Variants in EIF3M observed in about 807,000 individuals in gnomAD.
The protein encoded by EIF3M is eukaryotic translation initiation factor 3 subunit M.
In EIF3M, 25 loss-of-function variants were observed where a neutral mutation model predicts 49.7. That is an observed-to-expected ratio of 0.50 (90% CI 0.37 to 0.70). The LOEUF is 0.70. Ranked by LOEUF, EIF3M falls within the 30% of genes least tolerant of loss-of-function variation. The pLI, the probability that EIF3M is intolerant of heterozygous loss-of-function variation, is 0.00. For missense variants in EIF3M, 350 were observed against 440.0 expected, an observed-to-expected ratio of 0.80 and a Z score of 1.83; for synonymous variants, 156 against 149.8, an observed-to-expected ratio of 1.04 and a Z score of -0.30.
Position 32,600,767 on chromosome 11 carries a change from C to A in EIF3M, c.878C>A (p.Ser293Tyr). Residue 293 changes from serine to tyrosine, a missense_variant, in exon 9 of 11, where the codon TCT (serine) becomes TAT (tyrosine). By Grantham distance (144) the Ser-to-Tyr change is moderately radical. Coordinates refer to ENST00000531120, the MANE Select transcript of EIF3M (RefSeq NM_006360.6). Reference sequence around the variant, plus strand: ...ATGGCAGTAGAAAATAAGGAAATTTCTTTTGACACAATGCAGCAAGAACTT... The same window carrying A: ...ATGGCAGTAGAAAATAAGGAAATTTATTTTGACACAATGCAGCAAGAACTT... ...MGMAVENKEI[S>Y]FDTMQQELQI... The A allele has an allele frequency of 6.2e-7, 1 of 1,611,576 alleles. No homozygotes were observed. The highest frequency in any genetic ancestry group is 1.1e-5 in the South Asian group (1 of 90,814).
rs945678528 is a variant in EIF3M at position 32,589,253 on chromosome 11, C to G, written c.438+118C>G. 3.5e-6 allele frequency: 5 copies of G among 1,426,454 alleles called. No homozygotes were observed. In the Admixed American group the frequency reaches 8.8e-5, roughly 25 times the overall value. 88.4% of individuals were successfully genotyped at this position (1,426,454 alleles called of 1,614,324 possible). Reference sequence around the variant, plus strand: ...GTGCAATGGCGCAATCTCAGCTCACCGCAACCTCCGCCTCCAGGGTTCAAG... The same window carrying G: ...GTGCAATGGCGCAATCTCAGCTCACGGCAACCTCCGCCTCCAGGGTTCAAG... On this transcript the variant is annotated intron_variant, in intron 4 of 10. Transcript: ENST00000531120.
rs1249405412 is a variant in EIF3M, at chr11:32,588,396, A to G, written c.176-198A>G. ...AGAGCAAGACTTCATCTGAAAAAAAAAAAAAAAAAAAAAAAGAAACCACAT... is the reference window on the plus strand; with the variant it reads ...AGAGCAAGACTTCATCTGAAAAAAAGAAAAAAAAAAAAAAAGAAACCACAT... On this transcript the variant is annotated intron_variant, in intron 2 of 10. Transcript: ENST00000531120. Among the ~76,000 whole-genome samples, 68 of 85,758 alleles carry G rather than the reference A, an allele frequency of 7.9e-4. 1 individual carries two copies. The highest frequency in any genetic ancestry group is 2.7e-3 in the African/African-American group (66 of 24,450). The allele number at this position is 85,758 out of a possible 152,430, so 56.3% of individuals were successfully genotyped here.
At chr11:32,596,069 T>G in intron 8 of EIF3M, 22 bp downstream of exon 8, 1 of 1,521,360 alleles carries the variant, frequency 6.6e-7, no homozygotes, top group Non-Finnish European at 8.8e-7. Flanking sequence ...GGTTTATTCT[T>G]TGAGGCACAG....
At position 32,605,188 on chromosome 11, in the gene EIF3M, T is replaced by C. The variant is rs1590536791; in HGVS notation, c.*2789T>C. ...TTTTTTTTTTTTTTTTTTAATGAAC[T>C]TAAATGTTTAGAATGGTAAGTTCAC... On this transcript the variant is annotated 3_prime_UTR_variant, in exon 11 of 11. Transcript: ENST00000531120. 6.7e-6 allele frequency: 1 copy of C among 149,760 alleles called. No homozygotes were observed. 9.3% of individuals were successfully genotyped at this position (149,760 alleles called of 1,614,324 possible).
intron 4 of EIF3M, among the ~76,000 whole-genome samples, 169 bp downstream of exon 4, chr11:32,589,304 G>A (rs181709087): frequency 1.1e-4 from 17 of 152,208 alleles, no homozygotes; most frequent in African/African-American, 3.9e-4. Context: ...TGCCTCCTGA[G>A]CAGCTGGGAT....
rs780809253 is a variant in EIF3M at position 32,600,675 on chromosome 11, A to C, written c.800-14A>C. 2 of 1,598,854 alleles carry C rather than the reference A, an allele frequency of 1.3e-6. No individual in the cohort carries two copies. The highest frequency in any genetic ancestry group is 1.1e-5 in the South Asian group (1 of 88,414). On this transcript the variant is annotated splice_polypyrimidine_tract_variant and intron_variant, in intron 8 of 10. Coordinates refer to ENST00000531120, the MANE Select transcript of EIF3M (RefSeq NM_006360.6). ...GTATGAACACTCATCAGGCTTCACTATTCTGTTTTCTAGGCCTGTTACATG... is the reference window on the plus strand; with the variant it reads ...GTATGAACACTCATCAGGCTTCACTCTTCTGTTTTCTAGGCCTGTTACATG...
chr11:32,583,952 C>A (rs376383657), intron 1 of EIF3M, 23 bp downstream of exon 1: 1 of 1,611,854 alleles, frequency 6.2e-7, no homozygotes, highest in African/African-American at 1.4e-5. Context: ...CTACGGGTGC[C>A]GCCACGGTGG....
Position 32,602,833 on chromosome 11 carries a change from TCCAACG to T in EIF3M, c.*435_*440del. The stretch of plus-strand genomic sequence containing the variant: ...ACATTATTTTAATCTGTTGTTTTTT[TCCAACG>T]TCTCTTCTGCTTTTCTTTTCTTTGG... On this transcript the variant is annotated 3_prime_UTR_variant, in exon 11 of 11. Coordinates refer to ENST00000531120, the MANE Select transcript of EIF3M (RefSeq NM_006360.6). 1.3e-6 allele frequency: 2 copies of T among 1,599,966 alleles called. No individual in the cohort carries two copies. The highest frequency in any genetic ancestry group is 1.7e-5 in the Admixed American group (1 of 57,318).
At chr11:32,600,531 A>G (rs574103017) in intron 8 of EIF3M, among the ~76,000 whole-genome samples, 158 bp from the exon 9 acceptor site, 2 of 152,060 alleles carry the variant, frequency 1.3e-5, no homozygotes, top group East Asian at 3.9e-4. Flanking sequence ...GTTTGCAAAT[A>G]TAAGAAGCTT....
rs542795132 is a variant in EIF3M, at chr11:32,592,631, G to A, written c.534-1235G>A. The A allele has an allele frequency of 4.5e-4, 230 of 513,272 alleles. 1 individual carries two copies. The highest frequency in any genetic ancestry group is 1.9e-3 in the South Asian group (127 of 67,346). 31.8% of individuals were successfully genotyped at this position (513,272 alleles called of 1,614,324 possible). A position where few individuals can be genotyped will look rare whatever the true frequency, so the allele number is the denominator to read the frequency against. ...AGTTTGTGGAACATTTTGTTTGGGG[G>A]TCTCTGATTACCACACAACCTGTGA... On this transcript the variant is annotated intron_variant, in intron 5 of 10. Transcript: ENST00000531120.
intron 6 of EIF3M, 123 bp from the exon 7 acceptor site, chr11:32,594,788 ATGT>A (rs1205823505): frequency 4.3e-6 from 3 of 701,332 alleles, no homozygotes; most frequent in African/African-American, 1.8e-5. Context: ...AGCTTTTTTA[ATGT>A]TGTTTATATG....
Position 32,603,127 on chromosome 11 carries a change from G to T in EIF3M, c.*728G>T. 1 of 853,990 alleles carries T rather than the reference G, an allele frequency of 1.2e-6. No homozygotes were observed. Among genetic ancestry groups the T allele is most frequent in the Non-Finnish European group, 1.8e-6 (1 of 552,912 alleles). The allele number at this position is 853,990 out of a possible 1,614,324, so 52.9% of individuals were successfully genotyped here. A position where few individuals can be genotyped will look rare whatever the true frequency, so the allele number is the denominator to read the frequency against. ...GTATGTGGTAAAACCACCATCTCTT[G>T]GCTGATTTCCACTACCTTAGTAGTT... On this transcript the variant is annotated 3_prime_UTR_variant, in exon 11 of 11. Transcript: ENST00000531120.
In EIF3M at chr11:32,595,009, A is replaced by G. The variant is rs377461075; in HGVS notation, c.713A>G (p.His238Arg). Residue 238 changes from histidine to arginine, a missense_variant, in exon 7 of 11, where the codon CAT becomes CGT. Physicochemically the swap from His to Arg is conservative, Grantham distance 29 (BLOSUM62 0). Transcript: ENST00000531120. ...PVKFLEGELI[H>R]DLLTIFVSAK... is the part of the protein sequence containing the mutation. ...AAGTTTTTGGAAGGCGAGCTTATTC[A>G]TGATGTAAGTAGTTTATCCTTTAAT... 6.2e-7 allele frequency: 1 copy of G among 1,612,974 alleles called. No homozygotes were observed. The highest frequency in any genetic ancestry group is 8.5e-7 in the Non-Finnish European group (1 of 1,179,590).
chr11:32,603,288 C>T lies in EIF3M; in HGVS notation c.*889C>T, dbSNP rs1187654035. On this transcript the variant is annotated 3_prime_UTR_variant, in exon 11 of 11. Transcript: ENST00000531120. ...ATGTTTCCTCCCATGCTTCAGAACA[C>T]CATTGTTGAAGAAACAGGAAGGGCA... The T allele has an allele frequency of 3.2e-6, 1 of 312,634 alleles. No individual in the cohort carries two copies. The highest frequency in any genetic ancestry group is 2.1e-5 in the African/African-American group (1 of 46,682). 19.4% of individuals were successfully genotyped at this position (312,634 alleles called of 1,614,324 possible).
chr11:32,588,911 G>T (rs1590514736), intron 3 of EIF3M, 101 bp from the exon 4 acceptor site: 1 of 1,539,126 alleles, frequency 6.5e-7, no homozygotes. Flanking sequence ...GTAATATGAA[G>T]TTGTTAACGG....
intron 1 of EIF3M, 88 bp downstream of exon 1, chr11:32,584,017 C>T: frequency 6.5e-7 from 1 of 1,540,212 alleles, no homozygotes; most frequent in Non-Finnish European, 8.9e-7. Context: ...GGCCGGGCGG[C>T]CGGGGCTGAC....
chr11:32,587,260 A>G (rs1428028835), intron 2 of EIF3M, 116 bp downstream of exon 2: 2 of 1,029,312 alleles, frequency 1.9e-6, no homozygotes, highest in Non-Finnish European at 2.7e-6. Flanking sequence ...CCTCAGATAC[A>G]GAAGGCTGAC....
intron 6 of EIF3M, 128 bp from the exon 7 acceptor site, chr11:32,594,786 T>A (rs772850098): frequency 5.2e-5 from 36 of 698,416 alleles, no homozygotes; most frequent in Non-Finnish European, 7.0e-5. Context: ...GTAGCTTTTT[T>A]AATGTTGTTT....
chr11:32,588,031 AATATC>A (rs1284778543), intron 2 of EIF3M, among the ~76,000 whole-genome samples: 3 of 152,238 alleles, frequency 2.0e-5, no homozygotes, highest in Non-Finnish European at 4.4e-5. Flanking sequence ...CAAATGATTG[AATATC>A]ATGACAGTGA....
Sources: allele counts gnomAD v4.1 joint callset (sites outside exome capture counted in the v4.1 genomes callset), GRCh38; gene constraint gnomAD v4.1.1; transcripts MANE v1.5; gene names NCBI Gene and HGNC (gene_info 2026-07-23, HGNC 2026-07-21).